The following ZNRF2 variants were observed in gnomAD, a reference collection of about 807,000 sequenced individuals.
ZNRF2 encodes the protein E3 ubiquitin-protein ligase ZNRF2.
A neutral mutation model predicts 20.4 loss-of-function variants in ZNRF2; 16 were observed. The observed-to-expected ratio is 0.79, with a 90% CI of 0.53 to 1.19. The LOEUF is 1.19. Among genes scored for constraint, ZNRF2 ranks in the 50% most tolerant of loss-of-function variants. The probability of loss-of-function intolerance (pLI) is 0.00; values close to 1 mark genes in which losing one functional copy is unlikely to be tolerated. For missense variants in ZNRF2, 363 were observed against 332.4 expected (o/e 1.09, Z -0.72); for synonymous variants, 178 against 144.9 (o/e 1.23, Z -1.64).
At chr7:30,289,848 A>G (rs372346314) in intron 1 of ZNRF2, 7 of 534,380 alleles carry the variant, frequency 1.3e-5, no homozygotes, top group African/African-American at 3.9e-5. Context: ...TGTTGTTGTA[A>G]GATAGTGTCT....
chr7:30,323,792 G>C, intron 2 of ZNRF2, 55 bp downstream of exon 2: 1 of 1,159,934 alleles, frequency 8.6e-7, no homozygotes, highest in Non-Finnish European at 1.2e-6. Context: ...TACATTTTAT[G>C]AATTTCATGT....
At chr7:30,333,264 G>A (rs1195728930) in intron 2 of ZNRF2, among the ~76,000 whole-genome samples, 2 of 151,902 alleles carry the variant, frequency 1.3e-5, no homozygotes, top group African/African-American at 4.8e-5. Context: ...ATGTTGGCCA[G>A]GCTGGTCTCG....
intron 2 of ZNRF2, among the ~76,000 whole-genome samples, chr7:30,333,054 C>CTTT (rs1259371701): frequency 1.4e-5 from 2 of 139,044 alleles, no homozygotes; most frequent in African/African-American, 2.6e-5. Context: ...TATATTTTGA[C>CTTT]TTTTTTTTTT....
rs1799268878 is a variant in ZNRF2 at position 30,310,066 on chromosome 7, G to A, written c.470-13576G>A. Among the ~76,000 whole-genome samples the A allele has an allele frequency of 3.9e-5, 6 of 152,234 alleles. No homozygotes were observed. The South Asian group carries it at 1.2e-3, about 32-fold the overall frequency. On this transcript the variant is annotated intron_variant, in intron 1 of 4. Transcript: ENST00000323037. ...ATAGAGAGGTTACTGCCATAGTCCA[G>A]GAAAAAATAACAGTAGCTACGTTGT...
At chr7:30,302,238 C>A (rs1294402580) in intron 1 of ZNRF2, among the ~76,000 whole-genome samples, 2 of 152,154 alleles carry the variant, frequency 1.3e-5, no homozygotes, top group African/African-American at 4.8e-5. Context: ...TCTGTAAACC[C>A]AAGCTGCACA....
intron 1 of ZNRF2, among the ~76,000 whole-genome samples, chr7:30,315,250 G>C (rs185488319): frequency 3.9e-5 from 6 of 152,186 alleles, no homozygotes; most frequent in African/African-American, 1.4e-4. Flanking sequence ...TTTGGTATTT[G>C]TTTGTTTTTT....
intron 2 of ZNRF2, among the ~76,000 whole-genome samples, chr7:30,347,825 C>T (rs1799901262): frequency 1.3e-5 from 2 of 152,136 alleles, no homozygotes; most frequent in Non-Finnish European, 2.9e-5. Flanking sequence ...TCTCCAGGAT[C>T]CAGCAATTAG....
At chr7:30,295,168 CTG>C (rs1392457732) in intron 1 of ZNRF2, among the ~76,000 whole-genome samples, 1 of 151,010 alleles carries the variant, frequency 6.6e-6, no homozygotes, top group Non-Finnish European at 1.5e-5. Context: ...TTGAGACTCT[CTG>C]TACTTCCAAC....
intron 1 of ZNRF2, among the ~76,000 whole-genome samples, chr7:30,296,601 C>T (rs1292679798): frequency 6.6e-6 from 1 of 152,180 alleles, no homozygotes; most frequent in Admixed American, 6.5e-5. Context: ...TGTAATTCTC[C>T]AGATTTCCTG....
intron 2 of ZNRF2, among the ~76,000 whole-genome samples, chr7:30,326,644 G>GTA (rs1294769566): frequency 1.3e-5 from 2 of 152,106 alleles, no homozygotes; most frequent in Non-Finnish European, 2.9e-5. Context: ...TCCTTTAGGT[G>GTA]TATACCCAGT....
intron 2 of ZNRF2, among the ~76,000 whole-genome samples, chr7:30,348,370 A>G (rs1799910706): frequency 6.6e-6 from 1 of 152,126 alleles, no homozygotes; most frequent in South Asian, 2.1e-4. Flanking sequence ...AAAAATATTT[A>G]TTGAGCACTT....
chr7:30,356,227 GTCTGCTTTCTCATATGGTCT>G (rs1167014759), intron 3 of ZNRF2, among the ~76,000 whole-genome samples: 1 of 151,840 alleles, frequency 6.6e-6, no homozygotes, highest in African/African-American at 2.4e-5. Flanking sequence ...TCCAAAACCT[GTCTGCTTTCTCATATGGTCT>G]TCTTGCTTTT....
intron 2 of ZNRF2, among the ~76,000 whole-genome samples, chr7:30,330,947 G>A (rs947322412): frequency 2.0e-5 from 3 of 152,158 alleles, no homozygotes; most frequent in African/African-American, 7.2e-5. Flanking sequence ...TAACTTAAAT[G>A]TGGATCCCTA....
intron 1 of ZNRF2, among the ~76,000 whole-genome samples, chr7:30,308,971 G>C (rs1799250677): frequency 6.6e-6 from 1 of 152,048 alleles, no homozygotes; most frequent in Admixed American, 6.6e-5. Flanking sequence ...ATATTTTGCA[G>C]TATTGGCTTC....
At chr7:30,310,362 G>C (rs776342012) in intron 1 of ZNRF2, among the ~76,000 whole-genome samples, 12 of 152,108 alleles carry the variant, frequency 7.9e-5, no homozygotes, top group Non-Finnish European at 1.6e-4. Context: ...CAAATATTTG[G>C]ATATTTTGAA....
intron 1 of ZNRF2, among the ~76,000 whole-genome samples, chr7:30,301,045 T>C (rs1437868238): frequency 6.6e-6 from 1 of 152,226 alleles, no homozygotes; most frequent in Non-Finnish European, 1.5e-5. Flanking sequence ...AAATAAGGAC[T>C]CTGCATTTAT....
intron 3 of ZNRF2, among the ~76,000 whole-genome samples, chr7:30,359,903 AGCAG>A (rs1376122197): frequency 6.6e-6 from 1 of 152,226 alleles, no homozygotes; most frequent in African/African-American, 2.4e-5. Context: ...TTTTGTGGAA[AGCAG>A]TGTTTATCAA....
chr7:30,349,981 G>A (rs1799938657), intron 2 of ZNRF2, among the ~76,000 whole-genome samples: 1 of 151,978 alleles, frequency 6.6e-6, no homozygotes, highest in Non-Finnish European at 1.5e-5. Flanking sequence ...ATCTTAGTTT[G>A]ATTTCATGGT....
chr7:30,291,311 G>T (rs1798906272), intron 1 of ZNRF2, among the ~76,000 whole-genome samples: 1 of 152,184 alleles, frequency 6.6e-6, no homozygotes, highest in South Asian at 2.1e-4. Flanking sequence ...AAAGCAGGGG[G>T]AGTATCATGA....
Sources: gnomAD v4.1 joint callset for allele counts (sites outside exome capture counted in the v4.1 genomes callset) on GRCh38, gnomAD v4.1.1 for gene constraint, MANE v1.5 for transcripts, NCBI Gene and HGNC (gene_info 2026-07-23, HGNC 2026-07-21) for gene names.